WAC: variants seen among roughly 807,000 people sequenced by gnomAD.
WAC encodes WW domain containing adaptor with coiled-coil, also known as WW domain-containing adapter protein with coiled-coil.
A neutral mutation model predicts 79.6 loss-of-function variants in WAC; 11 were observed. That is an observed-to-expected ratio of 0.14 (90% CI 0.09 to 0.23). WAC has a LOEUF of 0.23. Among genes scored for constraint, WAC ranks in the 10% least tolerant of loss-of-function variants. WAC has a pLI of 1.00. For synonymous variants in WAC, 304 were observed against 276.9 expected, an observed-to-expected ratio of 1.10 and a Z score of -0.97; for missense variants, 728 against 773.5, an observed-to-expected ratio of 0.94 and a Z score of 0.70.
At chr10:28,607,084 C>G (rs1164580334) in intron 7 of WAC, among the ~76,000 whole-genome samples, 1 of 152,080 alleles carries the variant, frequency 6.6e-6, no homozygotes, top group South Asian at 2.1e-4. Flanking sequence ...ATAATGTCTT[C>G]TGTACATTTT....
chr10:28,545,071 A>G (rs1340668990), intron 3 of WAC, among the ~76,000 whole-genome samples: 1 of 149,518 alleles, frequency 6.7e-6, no homozygotes, highest in Non-Finnish European at 1.5e-5. Flanking sequence ...TGGTAGTGCA[A>G]GTTTAGAGTA....
intron 3 of WAC, among the ~76,000 whole-genome samples, chr10:28,570,905 A>G (rs1838915587): frequency 6.6e-6 from 1 of 151,130 alleles, no homozygotes; most frequent in Non-Finnish European, 1.5e-5. Flanking sequence ...GTTTTTCTAG[A>G]AAGACTCTTC....
intron 3 of WAC, among the ~76,000 whole-genome samples, chr10:28,555,594 G>C (rs1370865165): frequency 6.6e-6 from 1 of 152,080 alleles, no homozygotes; most frequent in Non-Finnish European, 1.5e-5. Flanking sequence ...AAATTACTAA[G>C]GAAACATACA....
rs1837054924 is a variant in WAC at position 28,541,607 on chromosome 10, A to C, written c.274+5850A>C. On this transcript the variant is annotated intron_variant, in intron 3 of 13. Transcript: ENST00000354911. ...TTTCAGGATTTGTATGATGCTTTAT[A>C]ATTTTCAAAGGGTTTCTATATTGTT... 1.3e-5 allele frequency among the ~76,000 whole-genome samples: 2 copies of C among 151,686 alleles called. 1 individual carries two copies.
intron 3 of WAC, among the ~76,000 whole-genome samples, chr10:28,536,524 A>G (rs980027377): frequency 6.6e-6 from 1 of 152,202 alleles, no homozygotes; most frequent in Non-Finnish European, 1.5e-5. Context: ...AAAATTATTT[A>G]TGACTTAGAA....
At chr10:28,537,063 A>G (rs921690854) in intron 3 of WAC, among the ~76,000 whole-genome samples, 2 of 152,242 alleles carry the variant, frequency 1.3e-5, no homozygotes, top group Admixed American at 6.5e-5. Context: ...CTTCCTCTAC[A>G]TAATTACTGG....
Position 28,577,698 on chromosome 10 carries a change from CTG to C in WAC, c.275-5699_275-5698del, listed in dbSNP as rs575061540. 3.5e-4 allele frequency among the ~76,000 whole-genome samples: 53 copies of C among 152,228 alleles called. No individual in the cohort carries two copies. The East Asian group carries it at 6.8e-3, about 19-fold the overall frequency. Reference sequence around the variant, plus strand: ...ACTGACCTGTAGAGTATAATAATCTCTGTAAGTGAAGAGGGTATGATCATCAG... The same window carrying C: ...ACTGACCTGTAGAGTATAATAATCTCTAAGTGAAGAGGGTATGATCATCAG... On this transcript the variant is annotated intron_variant, in intron 3 of 13. Coordinates refer to ENST00000354911, the MANE Select transcript of WAC (RefSeq NM_016628.5).
intron 7 of WAC, among the ~76,000 whole-genome samples, chr10:28,600,209 C>T (rs1410670276): frequency 7.2e-6 from 1 of 138,318 alleles, no homozygotes; most frequent in African/African-American, 2.8e-5. Flanking sequence ...TCCGTATGAA[C>T]ATGTGTAAAT....
In WAC at chr10:28,549,891, G is replaced by A. The variant is rs111419112; in HGVS notation, c.274+14134G>A. Among the ~76,000 whole-genome samples the A allele has an allele frequency of 9.8e-3, 1,486 of 152,218 alleles. 14 individuals are homozygous for A. The highest frequency in any genetic ancestry group is 0.017 in the Non-Finnish European group (1,140 of 68,022). On this transcript the variant is annotated intron_variant, in intron 3 of 13. Transcript: ENST00000354911. ...AAAGAGTTTTAAGTTTTGGCCAGGCGCAGTGGCTCACACCTGTACTCCCAG... is the reference window on the plus strand; with the variant it reads ...AAAGAGTTTTAAGTTTTGGCCAGGCACAGTGGCTCACACCTGTACTCCCAG...
Position 28,583,432 on chromosome 10 carries a change from A to G in WAC, c.308A>G (p.Asn103Ser). The G allele has an allele frequency of 6.3e-7, 1 of 1,589,514 alleles. No individual in the cohort carries two copies. The highest frequency in any genetic ancestry group is 8.5e-7 in the Non-Finnish European group (1 of 1,170,826). The change falls in exon 4 of 14, where the codon AAC becomes AGC. Residue 103 changes from asparagine to serine, a missense_variant. By Grantham distance (46) the Asn-to-Ser change is conservative. Transcript: ENST00000354911. The stretch of plus-strand genomic sequence containing the variant: ...TACTCTCCACAAGAAAATTCACACA[A>G]CCACAGTGCTCTTCATAGTTCAAAT... ...TSYSPQENSH[N>S]HSALHSSNSH...
Position 28,606,575 on chromosome 10 carries a change from A to C in WAC, c.920-1611A>C, listed in dbSNP as rs1840964080. Among the ~76,000 whole-genome samples, 3 of 152,186 alleles carry C rather than the reference A, an allele frequency of 2.0e-5. No homozygotes were observed. In the South Asian group the frequency reaches 6.2e-4, roughly 31 times the overall value. ...CAGCTGTGAGATCCACACTTTAGAG[A>C]GCTATTATCCCTAGTTCTTTCGACC... On this transcript the variant is annotated intron_variant, in intron 7 of 13. Coordinates refer to ENST00000354911, the MANE Select transcript of WAC (RefSeq NM_016628.5).
At chr10:28,567,790 T>C (rs940194993) in intron 3 of WAC, among the ~76,000 whole-genome samples, 1 of 152,208 alleles carries the variant, frequency 6.6e-6, no homozygotes, top group Admixed American at 6.5e-5. Context: ...GGTCCCACTT[T>C]ATAGCCCAAG....
intron 10 of WAC, among the ~76,000 whole-genome samples, chr10:28,614,144 C>T (rs898488539): frequency 6.6e-6 from 1 of 151,620 alleles, no homozygotes; most frequent in African/African-American, 2.4e-5. Flanking sequence ...CTCGTTCTGT[C>T]GCCCAGGCGG....
intron 3 of WAC, among the ~76,000 whole-genome samples, chr10:28,547,542 A>T (rs1357512208): frequency 6.6e-6 from 1 of 152,174 alleles, no homozygotes; most frequent in Non-Finnish European, 1.5e-5. Context: ...TCTCCAAAAA[A>T]AAAAAAAGAC....
Position 28,619,625 on chromosome 10 carries a change from A to G in WAC, c.*19A>G. The G allele has an allele frequency of 3.2e-6, 5 of 1,564,216 alleles. No homozygotes were observed. Among genetic ancestry groups the G allele is most frequent in the Non-Finnish European group, 4.3e-6 (5 of 1,164,478 alleles). On this transcript the variant is annotated 3_prime_UTR_variant, in exon 14 of 14. Transcript: ENST00000354911. ...GGTGTGAAGATGTGAATAATTGCAC[A>G]TGGTTTTGAGAACAGGAACTGTAAA...
intron 3 of WAC, among the ~76,000 whole-genome samples, chr10:28,549,122 C>T (rs1466117961): frequency 6.6e-6 from 1 of 152,082 alleles, no homozygotes; most frequent in African/African-American, 2.4e-5. Flanking sequence ...TGGTCTTGAA[C>T]TCCTGGCTTT....
intron 6 of WAC, 122 bp from the exon 7 acceptor site, chr10:28,595,611 A>C (rs1840320638): frequency 1.0e-6 from 1 of 976,100 alleles, no homozygotes; most frequent in Admixed American, 2.8e-5. Context: ...GTTTTATAAA[A>C]GAATATGTAA....
chr10:28,583,455 A>G lies in WAC; in HGVS notation c.331A>G (p.Asn111Asp). The change falls in exon 4 of 14, where the codon AAT (asparagine) becomes GAT (aspartate). Residue 111 changes from asparagine to aspartate, a missense_variant. Physicochemically the swap from Asn to Asp is conservative, Grantham distance 23 (BLOSUM62 1). Transcript: ENST00000354911. ...SHNHSALHSS[N>D]SHSSNPSNNP... is the part of the protein sequence containing the mutation. ...CAACCACAGTGCTCTTCATAGTTCAAATTCACATTCTTCTAATCCAAGCAA... is the reference window on the plus strand; with the variant it reads ...CAACCACAGTGCTCTTCATAGTTCAGATTCACATTCTTCTAATCCAAGCAA... 1.2e-6 allele frequency: 2 copies of G among 1,600,916 alleles called. No individual in the cohort carries two copies. The highest frequency in any genetic ancestry group is 1.7e-6 in the Non-Finnish European group (2 of 1,174,746).
intron 4 of WAC, among the ~76,000 whole-genome samples, chr10:28,586,897 C>G (rs1839846741): frequency 6.6e-6 from 1 of 152,174 alleles, no homozygotes; most frequent in Non-Finnish European, 1.5e-5. Context: ...TAAGTTCAAT[C>G]CTGTATGAGT....
Sources: gnomAD v4.1 joint callset for allele counts (sites outside exome capture counted in the v4.1 genomes callset) on GRCh38, gnomAD v4.1.1 for gene constraint, MANE v1.5 for transcripts, NCBI Gene and HGNC (gene_info 2026-07-23, HGNC 2026-07-21) for gene names.